The following DTNB variants were observed in gnomAD, a reference collection of about 807,000 sequenced individuals.
DTNB encodes the protein dystrobrevin beta.
A neutral mutation model predicts 90.7 loss-of-function variants in DTNB; 63 were observed. The observed-to-expected ratio is 0.69, with a 90% CI of 0.57 to 0.86. DTNB has a LOEUF of 0.86. Among genes scored for constraint, DTNB ranks in the 40% least tolerant of loss-of-function variants. The pLI is 0.00. For missense variants in DTNB, 744 were observed against 807.1 expected (o/e 0.92, Z 0.95); for synonymous variants, 277 against 286.7 (o/e 0.97, Z 0.34).
chr2:25,542,074 TTTG>T (rs2081380715), intron 8 of DTNB, among the ~76,000 whole-genome samples: 1 of 152,166 alleles, frequency 6.6e-6, no homozygotes. Context: ...TACTAAGGTT[TTTG>T]TTGTTGTTCT....
intron 2 of DTNB, among the ~76,000 whole-genome samples, chr2:25,645,364 A>G (rs2079202959): frequency 6.7e-6 from 1 of 150,124 alleles, no homozygotes; most frequent in South Asian, 2.1e-4. Context: ...TCACAAAAAA[A>G]AAAAAAGAAA....
At chr2:25,471,920 G>A (rs2062884460) in intron 10 of DTNB, among the ~76,000 whole-genome samples, 1 of 152,016 alleles carries the variant, frequency 6.6e-6, no homozygotes, top group Admixed American at 6.6e-5. Flanking sequence ...GAAACGCAAT[G>A]TAATATTATA....
At position 25,555,274 on chromosome 2, in the gene DTNB, G is replaced by C. The variant is rs1198950409; in HGVS notation, c.876+21564C>G. 1.6e-4 allele frequency among the ~76,000 whole-genome samples: 21 copies of C among 128,958 alleles called. No homozygotes were observed. The Admixed American group carries it at 1.7e-3, about 10-fold the overall frequency. 84.6% of individuals were successfully genotyped at this position (128,958 alleles called of 152,430 possible). On this transcript the variant is annotated intron_variant, in intron 8 of 20. Coordinates refer to ENST00000406818, the MANE Select transcript of DTNB (RefSeq NM_021907.5). ...CCACTGCACTCCAGCCTGGGCGACA[G>C]AGCAAGACTCCGTCTCCAAAAAAAA...
At chr2:25,575,086 T>C (rs1466017118) in intron 8 of DTNB, among the ~76,000 whole-genome samples, 1 of 152,028 alleles carries the variant, frequency 6.6e-6, no homozygotes, top group African/African-American at 2.4e-5. Flanking sequence ...AATGAGGAAA[T>C]TCAAACCAGG....
intron 1 of DTNB, among the ~76,000 whole-genome samples, chr2:25,667,564 TGA>T (rs2084767913): frequency 6.6e-6 from 1 of 152,066 alleles, no homozygotes; most frequent in Non-Finnish European, 1.5e-5. Flanking sequence ...ACAAAACCAA[TGA>T]CTAAATATTA....
In DTNB at chr2:25,406,360, T is replaced by C. The variant is rs183722257; in HGVS notation, c.1575+13155A>G. The stretch of plus-strand genomic sequence containing the variant: ...CAGCCTGACCAACATGGAGAAACCC[T>C]GTCTCTACTAAAAATACAAAAAAAA... On this transcript the variant is annotated intron_variant, in intron 16 of 20. Transcript: ENST00000406818. 7.6e-3 allele frequency among the ~76,000 whole-genome samples: 1,158 copies of C among 151,992 alleles called. 4 individuals are homozygous for C. The highest frequency in any genetic ancestry group is 0.012 in the Non-Finnish European group (848 of 67,952).
chr2:25,403,068 T>C (rs1252784022), intron 16 of DTNB, among the ~76,000 whole-genome samples: 1 of 152,216 alleles, frequency 6.6e-6, no homozygotes, highest in Admixed American at 6.5e-5. Flanking sequence ...ATTACCTCCT[T>C]TCTGTTTGTT....
intron 14 of DTNB, chr2:25,427,870 C>T (rs2052391861): frequency 3.2e-6 from 1 of 308,240 alleles, no homozygotes; most frequent in Non-Finnish European, 5.9e-6. Context: ...AAAGGTATTA[C>T]TTATATTACC....
chr2:25,580,722 A>G lies in DTNB; in HGVS notation c.708T>C (p.Asn236=), dbSNP rs1176415603. 5 of 1,613,122 alleles carry G rather than the reference A, an allele frequency of 3.1e-6. No homozygotes were observed. The highest frequency in any genetic ancestry group is 1.3e-5 in the African/African-American group (1 of 74,914). The stretch of plus-strand genomic sequence containing the variant: ...TTGAACAATAAAAGTTCTGCTTACC[A>G]TTCTCAACATGGGCAAGCCTGTGCA... ...PLMHRLAHVE[N]VFHPVECSYC... is the part of the protein sequence containing the mutation. The change falls in exon 7 of 21, where the codon AAT becomes AAC. Residue 236 remains asparagine (N), a splice_region_variant and synonymous_variant. Coordinates refer to ENST00000406818, the MANE Select transcript of DTNB (RefSeq NM_021907.5).
At chr2:25,661,425 A>C (rs1399309545) in intron 1 of DTNB, among the ~76,000 whole-genome samples, 1 of 152,256 alleles carries the variant, frequency 6.6e-6, no homozygotes, top group South Asian at 2.1e-4. Flanking sequence ...AAAAAGTTGC[A>C]CATAATAACT....
chr2:25,389,371 A>C (rs1337921522), intron 16 of DTNB, among the ~76,000 whole-genome samples: 1 of 152,270 alleles, frequency 6.6e-6, no homozygotes, highest in Non-Finnish European at 1.5e-5. Flanking sequence ...CAGTCATGCC[A>C]CATGCACTGC....
At chr2:25,597,162 C>T (rs970432530) in intron 5 of DTNB, among the ~76,000 whole-genome samples, 8 of 151,980 alleles carry the variant, frequency 5.3e-5, no homozygotes, top group African/African-American at 1.9e-4. Flanking sequence ...GACCTCATCC[C>T]TACAAAAGAA....
At chr2:25,564,457 T>C (rs141300696) in intron 8 of DTNB, among the ~76,000 whole-genome samples, 1 of 152,190 alleles carries the variant, frequency 6.6e-6, no homozygotes, top group East Asian at 1.9e-4. Flanking sequence ...CTTGGCTAAC[T>C]GCAACCTCCA....
At chr2:25,540,238 G>C (rs762889405) in intron 8 of DTNB, among the ~76,000 whole-genome samples, 6 of 152,222 alleles carry the variant, frequency 3.9e-5, no homozygotes, top group Non-Finnish European at 7.3e-5. Flanking sequence ...ATTCTGGAGA[G>C]AAGTGACATC....
chr2:25,586,104 GAAT>G (rs2148275427), intron 6 of DTNB, among the ~76,000 whole-genome samples: 1 of 152,192 alleles, frequency 6.6e-6, no homozygotes, highest in East Asian at 1.9e-4. Flanking sequence ...AAAAATCATG[GAAT>G]AATATCAGTG....
intron 8 of DTNB, among the ~76,000 whole-genome samples, chr2:25,555,604 T>C (rs1385120889): frequency 2.0e-5 from 3 of 152,140 alleles, no homozygotes; most frequent in Non-Finnish European, 4.4e-5. Flanking sequence ...CAAAATCAAA[T>C]CTATTCTTAC....
At chr2:25,659,848 A>G (rs1489166990) in intron 1 of DTNB, among the ~76,000 whole-genome samples, 4 of 152,182 alleles carry the variant, frequency 2.6e-5, no homozygotes, top group African/African-American at 9.6e-5. Flanking sequence ...TTACCTACTC[A>G]TTTTGTAGCC....
chr2:25,405,614 T>G (rs1177957236), intron 16 of DTNB, among the ~76,000 whole-genome samples: 1 of 152,142 alleles, frequency 6.6e-6, no homozygotes, highest in African/African-American at 2.4e-5. Context: ...TGTTGTTTTT[T>G]TTTTCAACAG....
At chr2:25,627,074 T>A (rs2074330838) in intron 4 of DTNB, among the ~76,000 whole-genome samples, 1 of 152,242 alleles carries the variant, frequency 6.6e-6, no homozygotes, top group Admixed American at 6.5e-5. Flanking sequence ...TACTAAACTA[T>A]GTTCTGCAAT....
Sources: gnomAD v4.1 joint callset for allele counts (sites outside exome capture counted in the v4.1 genomes callset) on GRCh38, gnomAD v4.1.1 for gene constraint, MANE v1.5 for transcripts, NCBI Gene and HGNC (gene_info 2026-07-23, HGNC 2026-07-21) for gene names.